Variants in DMRT1 observed in about 807,000 individuals in gnomAD.
DMRT1 encodes the protein doublesex and mab-3 related transcription factor 1.
DMRT1 carries 7 observed loss-of-function variants against 32.3 expected under a neutral mutation model. That is an observed-to-expected ratio of 0.22 (90% CI 0.12 to 0.41). The LOEUF (loss-of-function observed/expected upper bound fraction) is 0.41. Ranked by LOEUF, DMRT1 falls within the 10% of genes least tolerant of loss-of-function variation. The probability of loss-of-function intolerance (pLI) is 1.00; values close to 1 mark genes in which losing one functional copy is unlikely to be tolerated. For missense variants in DMRT1, 625 were observed against 500.5 expected, an observed-to-expected ratio of 1.25 and a Z score of -2.37; for synonymous variants, 278 against 206.1, an observed-to-expected ratio of 1.35 and a Z score of -2.99.
chr9:949,799 G>A (rs1345319977), intron 4 of DMRT1, among the ~76,000 whole-genome samples: 3 of 152,166 alleles, frequency 2.0e-5, no homozygotes, highest in Non-Finnish European at 4.4e-5. Context: ...TCATGTAAGT[G>A]GAAATCACAG....
chr9:853,894 C>T (rs1330099938), intron 2 of DMRT1, among the ~76,000 whole-genome samples: 1 of 152,122 alleles, frequency 6.6e-6, no homozygotes, highest in Non-Finnish European at 1.5e-5. Context: ...CTCCTAGGCT[C>T]AAACAATTCT....
At chr9:927,279 A>C (rs1818557857) in intron 4 of DMRT1, among the ~76,000 whole-genome samples, 2 of 152,358 alleles carry the variant, frequency 1.3e-5, no homozygotes, top group African/African-American at 4.8e-5. Flanking sequence ...TAAGATTTAC[A>C]AACAATGATG....
At chr9:964,578 G>A (rs1156406363) in intron 4 of DMRT1, among the ~76,000 whole-genome samples, 1 of 152,166 alleles carries the variant, frequency 6.6e-6, no homozygotes, top group Non-Finnish European at 1.5e-5. Flanking sequence ...AATGCTGGGA[G>A]GCTATCAATG....
chr9:951,352 T>C (rs764516930), intron 4 of DMRT1, among the ~76,000 whole-genome samples: 3 of 152,228 alleles, frequency 2.0e-5, no homozygotes, highest in Non-Finnish European at 4.4e-5. Flanking sequence ...TCTGGTAAGC[T>C]GGAAACACAG....
intron 4 of DMRT1, among the ~76,000 whole-genome samples, chr9:954,886 T>C (rs572356369): frequency 8.5e-5 from 13 of 152,222 alleles, no homozygotes; most frequent in African/African-American, 3.1e-4. Flanking sequence ...GTGATCTGCC[T>C]GCCTCGGCCT....
At chr9:874,957 G>A (rs2003197) in intron 2 of DMRT1, among the ~76,000 whole-genome samples, 46,613 of 151,392 alleles carry the variant, frequency 0.31, 8,431 homozygotes, top group Non-Finnish European at 0.41. Context: ...ACGGGTGCCC[G>A]CCACCACGCC....
intron 2 of DMRT1, among the ~76,000 whole-genome samples, chr9:881,623 G>A (rs1479361666): frequency 2.0e-5 from 3 of 152,198 alleles, no homozygotes; most frequent in East Asian, 1.9e-4. Flanking sequence ...GATTACAGTT[G>A]AGAGCAGATC....
chr9:869,830 A>G lies in DMRT1; in HGVS notation c.538+22687A>G, dbSNP rs536131375. On this transcript the variant is annotated intron_variant, in intron 2 of 4. Coordinates refer to ENST00000382276, the MANE Select transcript of DMRT1 (RefSeq NM_021951.3). ...CTCCTCTTCTCCCCATTTGGTTTATATTAGCTATTAATGCAAGTCTGCATT... is the reference window on the plus strand; with the variant it reads ...CTCCTCTTCTCCCCATTTGGTTTATGTTAGCTATTAATGCAAGTCTGCATT... Among the ~76,000 whole-genome samples, 5 of 152,126 alleles carry G rather than the reference A, an allele frequency of 3.3e-5. No individual in the cohort carries two copies. In the East Asian group the frequency reaches 9.7e-4, roughly 29 times the overall value.
chr9:902,878 T>G (rs1324356602), intron 3 of DMRT1, among the ~76,000 whole-genome samples: 1 of 152,136 alleles, frequency 6.6e-6, no homozygotes, highest in East Asian at 1.9e-4. Flanking sequence ...AAGTAGGTTC[T>G]GCTGTCAGGT....
intron 2 of DMRT1, among the ~76,000 whole-genome samples, chr9:888,854 C>T (rs940792028): frequency 2.0e-5 from 3 of 151,816 alleles, no homozygotes; most frequent in African/African-American, 7.3e-5. Context: ...GGGCTGGATG[C>T]AGTGGCTCAC....
intron 3 of DMRT1, among the ~76,000 whole-genome samples, chr9:897,568 G>T (rs892232247): frequency 6.6e-6 from 1 of 151,448 alleles, no homozygotes; most frequent in Non-Finnish European, 1.5e-5. Context: ...CTCCAGCCTG[G>T]GTAACAGAGC....
At chr9:848,276 T>TC (rs1838990027) in intron 2 of DMRT1, among the ~76,000 whole-genome samples, 3 of 152,184 alleles carry the variant, frequency 2.0e-5, no homozygotes, top group Admixed American at 1.3e-4. Flanking sequence ...GGCCTTTTTT[T>TC]CCTCTTGTCA....
chr9:963,532 T>G (rs1459317114), intron 4 of DMRT1, among the ~76,000 whole-genome samples: 3 of 152,190 alleles, frequency 2.0e-5, no homozygotes, highest in African/African-American at 7.2e-5. Context: ...TTAACTAGAG[T>G]GCAGGCATGA....
chr9:882,200 C>A (rs944561628), intron 2 of DMRT1, among the ~76,000 whole-genome samples: 5 of 152,150 alleles, frequency 3.3e-5, no homozygotes, highest in Non-Finnish European at 7.4e-5. Flanking sequence ...TTTAGCATGC[C>A]ACTGTGCGTT....
At chr9:953,949 A>T (rs1254625688) in intron 4 of DMRT1, among the ~76,000 whole-genome samples, 1 of 152,160 alleles carries the variant, frequency 6.6e-6, no homozygotes, top group Non-Finnish European at 1.5e-5. Flanking sequence ...AATGAGAGTG[A>T]AAGTGATAGT....
At chr9:914,243 GT>G (rs1818092107) in intron 3 of DMRT1, among the ~76,000 whole-genome samples, 1 of 152,038 alleles carries the variant, frequency 6.6e-6, no homozygotes, top group South Asian at 2.1e-4. Flanking sequence ...CTTTTTGGCT[GT>G]TTTCCGAGTA....
intron 4 of DMRT1, among the ~76,000 whole-genome samples, chr9:941,149 A>C (rs532569974): frequency 4.7e-4 from 71 of 152,324 alleles, no homozygotes; most frequent in African/African-American, 1.7e-3. Flanking sequence ...CCAAATTACC[A>C]CATGATCCAG....
At chr9:875,166 A>G (rs912059) in intron 2 of DMRT1, among the ~76,000 whole-genome samples, 117,588 of 152,060 alleles carry the variant, frequency 0.77, 45,719 homozygotes, top group East Asian at 0.87. Context: ...CGTTCTGATA[A>G]TGGCCCTTCC....
intron 2 of DMRT1, among the ~76,000 whole-genome samples, chr9:868,247 G>A (rs1816076899): frequency 6.6e-6 from 1 of 150,566 alleles, no homozygotes; most frequent in Admixed American, 6.6e-5. Context: ...CCAGAGTGCT[G>A]GGATTACAGG....
Sources: allele counts gnomAD v4.1 joint callset (sites outside exome capture counted in the v4.1 genomes callset), GRCh38; gene constraint gnomAD v4.1.1; transcripts MANE v1.5; gene names NCBI Gene and HGNC (gene_info 2026-07-23, HGNC 2026-07-21).